The following DDAH1 variants were observed in gnomAD, a reference collection of about 807,000 sequenced individuals.
DDAH1 encodes the protein dimethylarginine dimethylaminohydrolase 1.
A neutral mutation model predicts 28.8 loss-of-function variants in DDAH1; 19 were observed. The observed-to-expected ratio is 0.66, with a 90% CI of 0.46 to 0.97. DDAH1 has a LOEUF of 0.97. DDAH1 is among the 50% of genes least tolerant of loss of function. The probability of loss-of-function intolerance (pLI) is 0.00; values close to 1 mark genes in which losing one functional copy is unlikely to be tolerated. For missense variants in DDAH1, 326 were observed against 375.9 expected (o/e 0.87, Z 1.10); for synonymous variants, 153 against 154.4 (o/e 0.99, Z 0.07).
chr1:85,531,533 A>C (rs1658091429), intron 1 of DDAH1, among the ~76,000 whole-genome samples: 1 of 152,088 alleles, frequency 6.6e-6, no homozygotes, highest in African/African-American at 2.4e-5. Flanking sequence ...TGCTTTTCAC[A>C]CTGCACTGTG....
chr1:85,399,348 C>T (rs1435605599), intron 1 of DDAH1: 10 of 152,220 alleles, frequency 6.6e-5, no homozygotes, highest in Admixed American at 3.3e-4. Flanking sequence ...GATGAGTACA[C>T]CATAACCTAT....
At chr1:85,487,883 C>T (rs1467650486) in intron 2 of DDAH1, among the ~76,000 whole-genome samples, 1 of 152,042 alleles carries the variant, frequency 6.6e-6, no homozygotes, top group Non-Finnish European at 1.5e-5. Context: ...TTCTCCCCTA[C>T]TTAAAAATAA....
intron 1 of DDAH1, among the ~76,000 whole-genome samples, chr1:85,545,492 G>A (rs144670258): frequency 9.8e-5 from 15 of 152,310 alleles, no homozygotes; most frequent in African/African-American, 3.4e-4. Flanking sequence ...TGCAATTGCA[G>A]TGGCAGGCCC....
chr1:85,446,198 T>TCA (rs953857715), intron 1 of DDAH1, among the ~76,000 whole-genome samples: 1 of 152,136 alleles, frequency 6.6e-6, no homozygotes, highest in Non-Finnish European at 1.5e-5. Context: ...TTTAATTGAC[T>TCA]CACTGTTCAA....
chr1:85,547,037 A>G (rs908681449), intron 1 of DDAH1, among the ~76,000 whole-genome samples: 2 of 152,102 alleles, frequency 1.3e-5, no homozygotes, highest in Admixed American at 1.3e-4. Flanking sequence ...GCCCTCATCC[A>G]TCTCAAAAAG....
intron 1 of DDAH1, among the ~76,000 whole-genome samples, chr1:85,496,928 T>A (rs1353810542): frequency 1.3e-5 from 2 of 152,204 alleles, no homozygotes; most frequent in Non-Finnish European, 2.9e-5. Context: ...ACACGTACTA[T>A]CTTCTTGCAG....
At chr1:85,566,167 A>C (rs1171847120) in intron 1 of DDAH1, among the ~76,000 whole-genome samples, 2 of 152,120 alleles carry the variant, frequency 1.3e-5, no homozygotes, top group African/African-American at 4.8e-5. Flanking sequence ...CAACAGAATA[A>C]AACAATTCAA....
At chr1:85,326,422 CATTT>C (rs1430620128) in intron 4 of DDAH1, among the ~76,000 whole-genome samples, 2 of 152,202 alleles carry the variant, frequency 1.3e-5, no homozygotes, top group Non-Finnish European at 2.9e-5. Context: ...AAACATTTTA[CATTT>C]ATTATCTAAT....
At chr1:85,418,809 T>G (rs1390376013) in intron 1 of DDAH1, among the ~76,000 whole-genome samples, 1 of 152,200 alleles carries the variant, frequency 6.6e-6, no homozygotes, top group Non-Finnish European at 1.5e-5. Context: ...TATCTTGCCA[T>G]GCTATGGGTC....
chr1:85,435,777 T>C (rs1451651253), intron 1 of DDAH1, among the ~76,000 whole-genome samples: 1 of 152,142 alleles, frequency 6.6e-6, no homozygotes, highest in Non-Finnish European at 1.5e-5. Context: ...GGACCACTTA[T>C]ATCTTTTTTA....
chr1:85,461,588 T>A (rs1655128910), intron 1 of DDAH1, among the ~76,000 whole-genome samples: 1 of 152,146 alleles, frequency 6.6e-6, no homozygotes, highest in Non-Finnish European at 1.5e-5. Context: ...CCTTACTGAT[T>A]GGGAATGCTT....
At chr1:85,545,117 C>G (rs1046053414) in intron 1 of DDAH1, among the ~76,000 whole-genome samples, 1 of 152,280 alleles carries the variant, frequency 6.6e-6, no homozygotes. Flanking sequence ...ATTCAGCAAC[C>G]CAAACTCTGC....
At chr1:85,462,564 T>G (rs891538909) in intron 1 of DDAH1, among the ~76,000 whole-genome samples, 1 of 148,612 alleles carries the variant, frequency 6.7e-6, no homozygotes, top group African/African-American at 2.5e-5. Context: ...ATAGAGGGTC[T>G]TGAAGTAACT....
chr1:85,444,688 C>T (rs1654354682), intron 1 of DDAH1, among the ~76,000 whole-genome samples: 1 of 152,140 alleles, frequency 6.6e-6, no homozygotes, highest in Non-Finnish European at 1.5e-5. Context: ...CTGTGTGCTC[C>T]TCACTGTGCT....
At chr1:85,404,543 C>A (rs758043939) in intron 1 of DDAH1, 4 of 1,338,660 alleles carry the variant, frequency 3.0e-6, no homozygotes, top group Admixed American at 6.5e-5. Context: ...ACTGCAGCTC[C>A]AGACAGAAAA....
Position 85,370,788 on chromosome 1 carries a change from C to G in DDAH1, c.304-11941G>C, listed in dbSNP as rs111409952. ...ATTGAGTGGATAGGTGTACTGATTT[C>G]TAATATGAAAAATTCCAGGGAGAGG... On this transcript the variant is annotated intron_variant, in intron 1 of 5. Coordinates refer to ENST00000284031, the MANE Select transcript of DDAH1 (RefSeq NM_012137.4). 4.9e-3 allele frequency among the ~76,000 whole-genome samples: 738 copies of G among 152,066 alleles called. 2 individuals carry two copies. The highest frequency in any genetic ancestry group is 0.017 in the African/African-American group (708 of 41,486).
chr1:85,362,194 T>C (rs554088532), intron 1 of DDAH1, among the ~76,000 whole-genome samples: 1 of 152,220 alleles, frequency 6.6e-6, no homozygotes, highest in African/African-American at 2.4e-5. Context: ...ATTTAGATAA[T>C]CCAAATCTGA....
At chr1:85,455,393 T>G (rs974676338) in intron 1 of DDAH1, among the ~76,000 whole-genome samples, 1 of 152,220 alleles carries the variant, frequency 6.6e-6, no homozygotes, top group Non-Finnish European at 1.5e-5. Context: ...GGCTAACATG[T>G]GTACACAGCT....
intron 1 of DDAH1, among the ~76,000 whole-genome samples, chr1:85,529,123 CA>C (rs1204785214): frequency 6.7e-6 from 1 of 149,126 alleles, no homozygotes; most frequent in East Asian, 2.0e-4. Flanking sequence ...TATTAATTAC[CA>C]AAAAAAGGGT....
Sources: allele counts gnomAD v4.1 joint callset (sites outside exome capture counted in the v4.1 genomes callset), GRCh38; gene constraint gnomAD v4.1.1; transcripts MANE v1.5; gene names NCBI Gene and HGNC (gene_info 2026-07-23, HGNC 2026-07-21).